Variants in DPYSL3 observed in about 807,000 individuals in gnomAD.
DPYSL3 encodes dihydropyrimidinase like 3.
DPYSL3 carries 16 observed loss-of-function variants against 66.1 expected under a neutral mutation model. The ratio of observed to expected loss-of-function variants is 0.24; its 90% CI spans 0.16 to 0.37. The LOEUF (loss-of-function observed/expected upper bound fraction) is 0.37, where lower values mean the gene tolerates loss of function less well. Among genes scored for constraint, DPYSL3 ranks in the 10% least tolerant of loss-of-function variants. The pLI is 1.00. For missense variants in DPYSL3, 738 were observed against 916.2 expected (o/e 0.81, Z 2.51); for synonymous variants, 338 against 345.1 (o/e 0.98, Z 0.23).
chr5:147,453,639 G>A, intron 1 of DPYSL3: 1 of 1,511,154 alleles, frequency 6.6e-7, no homozygotes, highest in Non-Finnish European at 8.9e-7. Context: ...CTTCTGCTCC[G>A]GCTCGCCCGC....
intron 1 of DPYSL3, among the ~76,000 whole-genome samples, chr5:147,468,141 A>G (rs1267799390): frequency 2.6e-5 from 4 of 152,238 alleles, no homozygotes; most frequent in Admixed American, 2.6e-4. Flanking sequence ...AAAAGGTGCT[A>G]GTTAATAGAA....
chr5:147,400,522 A>G (rs547133748), intron 10 of DPYSL3, among the ~76,000 whole-genome samples, 170 bp downstream of exon 10: 1 of 152,272 alleles, frequency 6.6e-6, no homozygotes, highest in African/African-American at 2.4e-5. Flanking sequence ...TCATCACACT[A>G]GAAGGAAATT....
intron 1 of DPYSL3, among the ~76,000 whole-genome samples, chr5:147,452,438 TACACACACACACACACAC>T (rs35272843): frequency 4.9e-5 from 7 of 142,046 alleles, no homozygotes; most frequent in African/African-American, 1.8e-4. Context: ...ATTCCCCCAC[TACACACACACACACACAC>T]ACACACACAC....
chr5:147,477,139 G>T (rs1047141184), intron 1 of DPYSL3, among the ~76,000 whole-genome samples: 19 of 152,204 alleles, frequency 1.2e-4, no homozygotes, highest in Admixed American at 7.2e-4. Flanking sequence ...TAATATTTAA[G>T]TACAGGAAAA....
At chr5:147,455,640 C>A (rs1752838279) in intron 1 of DPYSL3, among the ~76,000 whole-genome samples, 1 of 152,106 alleles carries the variant, frequency 6.6e-6, no homozygotes, top group Non-Finnish European at 1.5e-5. Flanking sequence ...ACTATGGAAA[C>A]CAGCAGAGCT....
At position 147,393,739 on chromosome 5, in the gene DPYSL3, C is replaced by T. The variant is rs940789539; in HGVS notation, c.*296G>A. The T allele has an allele frequency of 2.2e-5, 8 of 366,258 alleles. No homozygotes were observed. Among genetic ancestry groups the T allele is most frequent in the African/African-American group, 4.1e-5 (2 of 48,402 alleles). The allele number at this position is 366,258 out of a possible 1,614,324, so 22.7% of individuals were successfully genotyped here. Reference sequence around the variant, plus strand: ...TTGTCATAAGATGCAGCACTACACACGCTCTCAACACTATGATAGAGCAGA... The same window carrying T: ...TTGTCATAAGATGCAGCACTACACATGCTCTCAACACTATGATAGAGCAGA... On this transcript the variant is annotated 3_prime_UTR_variant, in exon 14 of 14. Transcript: ENST00000343218.
chr5:147,482,005 A>G (rs1753253461), intron 1 of DPYSL3, among the ~76,000 whole-genome samples: 1 of 152,170 alleles, frequency 6.6e-6, no homozygotes, highest in South Asian at 2.1e-4. Flanking sequence ...TGCCACTTTT[A>G]CAGTAAGAGG....
chr5:147,439,181 A>G (rs1752482196), intron 1 of DPYSL3, among the ~76,000 whole-genome samples: 1 of 152,266 alleles, frequency 6.6e-6, no homozygotes, highest in South Asian at 2.1e-4. Flanking sequence ...AAGGCACTGC[A>G]GTGGCTGAAA....
chr5:147,411,582 T>A (rs1751853486), intron 6 of DPYSL3, among the ~76,000 whole-genome samples: 1 of 152,090 alleles, frequency 6.6e-6, no homozygotes, highest in African/African-American at 2.4e-5. Flanking sequence ...CTTTAAAGGG[T>A]TGGGTGAAAA....
chr5:147,397,945 C>T, intron 11 of DPYSL3, 100 bp from the exon 12 acceptor site: 2 of 1,247,790 alleles, frequency 1.6e-6, no homozygotes, highest in Non-Finnish European at 2.1e-6. Context: ...GCTGATTCAC[C>T]AGGTAAGCCA....
intron 1 of DPYSL3, among the ~76,000 whole-genome samples, chr5:147,428,366 C>G (rs573676486): frequency 3.3e-5 from 5 of 152,134 alleles, no homozygotes; most frequent in Admixed American, 6.5e-5. Context: ...GCCCTGCTAT[C>G]CTCCCCAATT....
intron 8 of DPYSL3, among the ~76,000 whole-genome samples, chr5:147,403,755 G>T (rs1758256285): frequency 6.6e-6 from 1 of 152,078 alleles, no homozygotes; most frequent in African/African-American, 2.4e-5. Flanking sequence ...GAATGCTCTT[G>T]GGTGTTTCCC....
chr5:147,420,917 T>C (rs932614603), intron 2 of DPYSL3, among the ~76,000 whole-genome samples: 1 of 152,150 alleles, frequency 6.6e-6, no homozygotes, highest in Non-Finnish European at 1.5e-5. Flanking sequence ...TAAGGCTCAA[T>C]TGTAAAAAGT....
At chr5:147,473,130 T>A (rs1262065437) in intron 1 of DPYSL3, 1 of 152,168 alleles carries the variant, frequency 6.6e-6, no homozygotes, top group East Asian at 1.9e-4. Flanking sequence ...AGTTGCAACA[T>A]GCCAAAACAT....
chr5:147,496,806 T>C (rs1480478721), intron 1 of DPYSL3, among the ~76,000 whole-genome samples: 4 of 151,996 alleles, frequency 2.6e-5, no homozygotes, highest in African/African-American at 9.6e-5. Flanking sequence ...TTGGTGGGAC[T>C]GTAAACTAGT....
At chr5:147,442,752 G>C (rs934200427) in intron 1 of DPYSL3, among the ~76,000 whole-genome samples, 1 of 151,860 alleles carries the variant, frequency 6.6e-6, no homozygotes, top group African/African-American at 2.4e-5. Flanking sequence ...TTAAAACATG[G>C]AAAGATGTCG....
In DPYSL3 at chr5:147,399,141, C is replaced by T. The variant is rs1291512141; in HGVS notation, c.1564G>A (p.Asp522Asn). 1.2e-6 allele frequency: 2 copies of T among 1,614,182 alleles called. No homozygotes were observed. Among genetic ancestry groups the T allele is most frequent in the Non-Finnish European group, 1.7e-6 (2 of 1,180,038 alleles). Reference protein sequence around the residue: ...KGRISVGSDSDLVIWDPDAVK... With the variant: ...KGRISVGSDSNLVIWDPDAVK... ...GCATCTGGATCCCAGATGACGAGGT[C>T]GCTGTCAGAACCCACAGATATTCTT... Residue 522 changes from aspartate to asparagine, a missense_variant, in exon 11 of 14, where the codon GAC becomes AAC. By Grantham distance (23) the Asp-to-Asn change is conservative (BLOSUM62 1). Transcript: ENST00000343218.
Position 147,405,611 on chromosome 5 carries a change from T to C in DPYSL3, c.1152A>G (p.Lys384=). The change falls in exon 8 of 14, where the codon AAA becomes AAG. Residue 384 remains lysine (K), a splice_region_variant and synonymous_variant. Coordinates refer to ENST00000343218, the MANE Select transcript of DPYSL3 (RefSeq NM_001197294.2). ...AADLISQARK[K]GNVVFGEPIT... ...CGAGATCTTGGAAACACAAATCACC[T>C]TTTTTCCTGGCTTGTGAGATGAGGT... The C allele has an allele frequency of 6.2e-7, 1 of 1,608,018 alleles. No individual in the cohort carries two copies. The highest frequency in any genetic ancestry group is 8.5e-7 in the Non-Finnish European group (1 of 1,177,082).
At chr5:147,486,660 T>C (rs1330772795) in intron 1 of DPYSL3, among the ~76,000 whole-genome samples, 2 of 152,178 alleles carry the variant, frequency 1.3e-5, no homozygotes, top group Non-Finnish European at 2.9e-5. Flanking sequence ...GATTTCTGAC[T>C]GCTATTAACC....
Sources: gnomAD v4.1 joint callset for allele counts (sites outside exome capture counted in the v4.1 genomes callset) on GRCh38, gnomAD v4.1.1 for gene constraint, MANE v1.5 for transcripts, NCBI Gene and HGNC (gene_info 2026-07-23, HGNC 2026-07-21) for gene names.